SLC35F1: variants seen among roughly 807,000 people sequenced by gnomAD.
SLC35F1 encodes the protein chromosome 6 open reading frame 169.
Under a neutral mutation model 48.7 loss-of-function variants are expected in SLC35F1, and 14 were observed. That is an observed-to-expected ratio of 0.29 (90% CI 0.19 to 0.45). The LOEUF (loss-of-function observed/expected upper bound fraction) is 0.45, where lower values mean the gene tolerates loss of function less well. Among genes scored for constraint, SLC35F1 ranks in the 20% least tolerant of loss-of-function variants. The probability of loss-of-function intolerance (pLI) is 1.00; values close to 1 mark genes in which losing one functional copy is unlikely to be tolerated. For synonymous variants in SLC35F1, 190 were observed against 202.2 expected, an observed-to-expected ratio of 0.94 and a Z score of 0.51; for missense variants, 404 against 500.0, an observed-to-expected ratio of 0.81 and a Z score of 1.83.
intron 2 of SLC35F1, among the ~76,000 whole-genome samples, chr6:118,163,677 T>C (rs1774274494): frequency 6.6e-6 from 1 of 152,212 alleles, no homozygotes; most frequent in Admixed American, 6.5e-5. Flanking sequence ...CAGCTCCATC[T>C]TTCATGTGGG....
chr6:118,309,949 T>A (rs1277166718), intron 7 of SLC35F1, among the ~76,000 whole-genome samples: 2 of 152,234 alleles, frequency 1.3e-5, no homozygotes, highest in Non-Finnish European at 2.9e-5. Context: ...ATTTTCATTA[T>A]GTGCAGTGAG....
intron 4 of SLC35F1, 139 bp downstream of exon 4, chr6:118,267,293 C>T (rs1028058936): frequency 1.2e-5 from 12 of 993,374 alleles, no homozygotes; most frequent in African/African-American, 1.6e-5. Context: ...CATGTCTGTT[C>T]CCCACACCTG....
chr6:118,227,012 G>A (rs1207293683), intron 2 of SLC35F1, among the ~76,000 whole-genome samples: 1 of 152,154 alleles, frequency 6.6e-6, no homozygotes, highest in African/African-American at 2.4e-5. Context: ...TGACAAAGTT[G>A]CTCAACATTG....
intron 1 of SLC35F1, among the ~76,000 whole-genome samples, chr6:118,064,996 G>C (rs1212004458): frequency 3.3e-5 from 5 of 152,144 alleles, no homozygotes; most frequent in African/African-American, 1.2e-4. Context: ...TTGGGATGGA[G>C]GTGGTGAGGA....
chr6:118,097,117 C>T (rs1773188229), intron 1 of SLC35F1, among the ~76,000 whole-genome samples: 1 of 152,126 alleles, frequency 6.6e-6, no homozygotes, highest in Admixed American at 6.6e-5. Context: ...CTATCATTCC[C>T]CTCTTCAGAA....
At chr6:118,038,472 C>T (rs1349466589) in intron 1 of SLC35F1, among the ~76,000 whole-genome samples, 1 of 151,876 alleles carries the variant, frequency 6.6e-6, no homozygotes, top group Non-Finnish European at 1.5e-5. Context: ...TTGAGGAGTG[C>T]TATATATATC....
intron 1 of SLC35F1, among the ~76,000 whole-genome samples, chr6:118,112,758 G>C (rs959128995): frequency 6.6e-6 from 1 of 152,114 alleles, no homozygotes; most frequent in African/African-American, 2.4e-5. Context: ...ATAGAATAAT[G>C]TAAAATGCTT....
intron 1 of SLC35F1, among the ~76,000 whole-genome samples, chr6:117,925,236 CT>C (rs1488520446): frequency 6.6e-6 from 1 of 152,004 alleles, no homozygotes; most frequent in African/African-American, 2.4e-5. Flanking sequence ...TGTTGTTGGT[CT>C]TGGGGTGGGC....
chr6:118,213,247 AC>A (rs1775030485), intron 2 of SLC35F1, among the ~76,000 whole-genome samples: 1 of 152,218 alleles, frequency 6.6e-6, no homozygotes, highest in Non-Finnish European at 1.5e-5. Flanking sequence ...TTAGCCCTGT[AC>A]TAGCAGTCAT....
At chr6:118,078,266 A>G (rs1772851393) in intron 1 of SLC35F1, among the ~76,000 whole-genome samples, 1 of 152,240 alleles carries the variant, frequency 6.6e-6, no homozygotes, top group Non-Finnish European at 1.5e-5. Flanking sequence ...ATACAATGAA[A>G]GTCAAAGAGA....
intron 1 of SLC35F1, among the ~76,000 whole-genome samples, chr6:117,916,453 G>C (rs1361143467): frequency 3.9e-5 from 6 of 152,106 alleles, no homozygotes; most frequent in Non-Finnish European, 8.8e-5. Flanking sequence ...ATCATGGATG[G>C]GGGGAGCGGT....
intron 2 of SLC35F1, among the ~76,000 whole-genome samples, chr6:118,226,315 G>T (rs1256256225): frequency 2.0e-5 from 3 of 152,164 alleles, no homozygotes; most frequent in Non-Finnish European, 4.4e-5. Context: ...TCCTCAAAAA[G>T]CTAGAAATAG....
At chr6:117,940,706 TGGCATAATCACAG>T (rs1562243741) in intron 1 of SLC35F1, among the ~76,000 whole-genome samples, 2 of 151,934 alleles carry the variant, frequency 1.3e-5, no homozygotes, top group Non-Finnish European at 2.9e-5. Flanking sequence ...TGTAGTACAG[TGGCATAATCACAG>T]CTCCCTGCAG....
intron 1 of SLC35F1, among the ~76,000 whole-genome samples, chr6:118,082,644 C>T (rs1772928833): frequency 6.6e-6 from 1 of 151,594 alleles, no homozygotes; most frequent in South Asian, 2.1e-4. Context: ...ATAGCTGGAT[C>T]CAGAAACCCA....
intron 1 of SLC35F1, among the ~76,000 whole-genome samples, chr6:118,012,803 C>T (rs1777267565): frequency 6.6e-6 from 1 of 152,146 alleles, no homozygotes; most frequent in South Asian, 2.1e-4. Flanking sequence ...AAGTACTCTG[C>T]TTAGATATAA....
intron 7 of SLC35F1, among the ~76,000 whole-genome samples, chr6:118,309,381 A>G (rs887696465): frequency 6.6e-6 from 1 of 152,130 alleles, no homozygotes; most frequent in African/African-American, 2.4e-5. Context: ...ACATATGCTT[A>G]AAGGGACTCT....
chr6:118,092,671 A>G (rs1562287630), intron 1 of SLC35F1, among the ~76,000 whole-genome samples: 1 of 152,176 alleles, frequency 6.6e-6, no homozygotes, highest in Non-Finnish European at 1.5e-5. Flanking sequence ...GAGCTTCCCG[A>G]GGCCATGAGA....
chr6:118,029,703 G>A (rs370199527), intron 1 of SLC35F1, among the ~76,000 whole-genome samples: 1 of 152,156 alleles, frequency 6.6e-6, no homozygotes, highest in East Asian at 1.9e-4. Context: ...TTCTCTGACA[G>A]TTATTAGTAA....
intron 2 of SLC35F1, among the ~76,000 whole-genome samples, chr6:118,164,625 CA>C (rs1348030427): frequency 6.6e-6 from 1 of 152,138 alleles, no homozygotes; most frequent in Non-Finnish European, 1.5e-5. Flanking sequence ...GTGAGGCATA[CA>C]GAAAACAATA....
Sources: gnomAD v4.1 joint callset for allele counts (sites outside exome capture counted in the v4.1 genomes callset) on GRCh38, gnomAD v4.1.1 for gene constraint, MANE v1.5 for transcripts, NCBI Gene and HGNC (gene_info 2026-07-23, HGNC 2026-07-21) for gene names.